The following OR8D1 variants were observed in gnomAD, a reference collection of about 807,000 sequenced individuals.
OR8D1 encodes olfactory receptor family 8 subfamily D member 1.
For missense variants in OR8D1, 384 were observed against 366.8 expected (o/e 1.05, Z -0.38); for synonymous variants, 143 against 147.0 (o/e 0.97, Z 0.20).
chr11:124,313,154 A>G (rs1378609739), intron 1 of OR8D1, among the ~76,000 whole-genome samples: 1 of 151,218 alleles, frequency 6.6e-6, no homozygotes, highest in Non-Finnish European at 1.5e-5. Flanking sequence ...AGCGCGGGTG[A>G]CAGAGCAAGA....
At position 124,303,715 on chromosome 11, in the gene OR8D1, T is replaced by G. The variant is rs1862343787; in HGVS notation, c.*6125A>C. On this transcript the variant is annotated 3_prime_UTR_variant, in exon 3 of 3. Transcript: ENST00000641015. ...TAAAAATTATGCTCACTTGAAGTCA[T>G]AAAGTCCTCTGTTTTCTTATTTTTA... 1 of 152,016 alleles carries G rather than the reference T, an allele frequency of 6.6e-6. No individual in the cohort carries two copies. The allele number at this position is 152,016 out of a possible 1,614,324, so 9.4% of individuals were successfully genotyped here. A position where few individuals can be genotyped will look rare whatever the true frequency, so the allele number is the denominator to read the frequency against.
rs142777403 is a variant in OR8D1 at position 124,310,563 on chromosome 11, G to A, written c.204C>T (p.Phe68=). 50 of 1,613,650 alleles carry A rather than the reference G, an allele frequency of 3.1e-5. No individual in the cohort carries two copies. The highest frequency in any genetic ancestry group is 1.9e-4 in the South Asian group (17 of 91,076). The change falls in exon 3 of 3, where the codon TTC becomes TTT. Residue 68 remains phenylalanine (F), a synonymous_variant. Coordinates refer to ENST00000641015, the MANE Select transcript of OR8D1 (RefSeq NM_001002917.2). Reference sequence around the variant, plus strand: ...TGACAGAGGAATAGCAGAAATCGACGAAGGACAAGCTGCTGAGGAAATAGT... The same window carrying A: ...TGACAGAGGAATAGCAGAAATCGACAAAGGACAAGCTGCTGAGGAAATAGT... ...PMYYFLSSLS[F]VDFCYSSVIT...
rs1324692356 is a variant in OR8D1, at chr11:124,307,148, G to C, written c.*2692C>G. 1 of 151,988 alleles carries C rather than the reference G, an allele frequency of 6.6e-6. No homozygotes were observed. The highest frequency in any genetic ancestry group is 2.1e-4 in the South Asian group (1 of 4,810). The allele number at this position is 151,988 out of a possible 1,614,324, so 9.4% of individuals were successfully genotyped here. A position where few individuals can be genotyped will look rare whatever the true frequency, so the allele number is the denominator to read the frequency against. On this transcript the variant is annotated 3_prime_UTR_variant, in exon 3 of 3. Transcript: ENST00000641015. ...CCAAACAACCAGTATCTGGTGGTTT[G>C]GACCAGGGTTATGAAGAACTTAACA...
In OR8D1 at chr11:124,303,508, C is replaced by T. The variant is rs756507441; in HGVS notation, c.*6332G>A. The T allele has an allele frequency of 1.3e-5, 2 of 151,916 alleles. No individual in the cohort carries two copies. Among genetic ancestry groups the T allele is most frequent in the Non-Finnish European group, 2.9e-5 (2 of 67,962 alleles). The allele number at this position is 151,916 out of a possible 1,614,324, so 9.4% of individuals were successfully genotyped here. A position where few individuals can be genotyped will look rare whatever the true frequency, so the allele number is the denominator to read the frequency against. On this transcript the variant is annotated 3_prime_UTR_variant, in exon 3 of 3. Coordinates refer to ENST00000641015, the MANE Select transcript of OR8D1 (RefSeq NM_001002917.2). ...GTAAATTGCTGCTTATATCTTTTGC[C>T]TGGTTTTCTATTAGGCTTTTTGTCC... is the stretch of plus-strand genomic sequence containing the variant.
chr11:124,313,349 G>GAAAAAGAA (rs1862440221), intron 1 of OR8D1, among the ~76,000 whole-genome samples: 19 of 151,692 alleles, frequency 1.3e-4, no homozygotes, highest in Middle Eastern at 3.2e-3. Context: ...AAAGAGGAAA[G>GAAAAAGAA]AAAAAGAAAA....
Position 124,304,766 on chromosome 11 carries a change from T to C in OR8D1, c.*5074A>G, listed in dbSNP as rs1226174150. The C allele has an allele frequency of 6.6e-6, 1 of 151,942 alleles. No homozygotes were observed. Among genetic ancestry groups the C allele is most frequent in the Non-Finnish European group, 1.5e-5 (1 of 67,912 alleles). 9.4% of individuals were successfully genotyped at this position (151,942 alleles called of 1,614,324 possible). The stretch of plus-strand genomic sequence containing the variant: ...TACTCATTTTTTTAATAATTGGTTG[T>C]AGGAATTATTTATAAAAGTTGGATA... On this transcript the variant is annotated 3_prime_UTR_variant, in exon 3 of 3. Coordinates refer to ENST00000641015, the MANE Select transcript of OR8D1 (RefSeq NM_001002917.2).
Position 124,309,294 on chromosome 11 carries a change from G to T in OR8D1, c.*546C>A, listed in dbSNP as rs1026358258. 3 of 151,854 alleles carry T rather than the reference G, an allele frequency of 2.0e-5. No individual in the cohort carries two copies. The highest frequency in any genetic ancestry group is 7.2e-5 in the African/African-American group (3 of 41,384). The allele number at this position is 151,854 out of a possible 1,614,324, so 9.4% of individuals were successfully genotyped here. On this transcript the variant is annotated 3_prime_UTR_variant, in exon 3 of 3. Coordinates refer to ENST00000641015, the MANE Select transcript of OR8D1 (RefSeq NM_001002917.2). ...GAGTAGAAAAAAAAATAGTAAAAGC[G>T]ATTCGAATAAGACCTGCTGACTAGA...
chr11:124,307,130 A>C lies in OR8D1; in HGVS notation c.*2710T>G, dbSNP rs965696005. 1 of 152,180 alleles carries C rather than the reference A, an allele frequency of 6.6e-6. No individual in the cohort carries two copies. Among genetic ancestry groups the C allele is most frequent in the Middle Eastern group, 3.4e-3 (1 of 294 alleles). The allele number at this position is 152,180 out of a possible 1,614,324, so 9.4% of individuals were successfully genotyped here. A position where few individuals can be genotyped will look rare whatever the true frequency, so the allele number is the denominator to read the frequency against. On this transcript the variant is annotated 3_prime_UTR_variant, in exon 3 of 3. Coordinates refer to ENST00000641015, the MANE Select transcript of OR8D1 (RefSeq NM_001002917.2). ...GCCCCAAAATATACCTTGCCAAACA[A>C]CCAGTATCTGGTGGTTTGGACCAGG...
Position 124,305,844 on chromosome 11 carries a change from G to T in OR8D1, c.*3996C>A, listed in dbSNP as rs1477243435. 1 of 151,772 alleles carries T rather than the reference G, an allele frequency of 6.6e-6. No individual in the cohort carries two copies. The highest frequency in any genetic ancestry group is 1.5e-5 in the Non-Finnish European group (1 of 67,842). 9.4% of individuals were successfully genotyped at this position (151,772 alleles called of 1,614,324 possible). ...TTATGCTACACACTTCTTTCAATAT[G>T]AAAAGAAAGAATGTCTGTTAAAGCA... On this transcript the variant is annotated 3_prime_UTR_variant, in exon 3 of 3. Coordinates refer to ENST00000641015, the MANE Select transcript of OR8D1 (RefSeq NM_001002917.2).
chr11:124,312,324 T>C (rs1288394429), intron 1 of OR8D1, among the ~76,000 whole-genome samples: 1 of 152,060 alleles, frequency 6.6e-6, no homozygotes, highest in African/African-American at 2.4e-5. Context: ...AAAATGTTTG[T>C]TTTCAGATTT....
rs188359141 is a variant in OR8D1 at position 124,304,136 on chromosome 11, A to G, written c.*5704T>C. On this transcript the variant is annotated 3_prime_UTR_variant, in exon 3 of 3. Transcript: ENST00000641015. ...TTTTAGAGAAAACATGTCAGTCTCT[A>G]ATGTAGGCCATTGCTATCACCTGAG... is the stretch of plus-strand genomic sequence containing the variant. 19 of 152,146 alleles carry G rather than the reference A, an allele frequency of 1.2e-4. No individual in the cohort carries two copies. Among genetic ancestry groups the G allele is most frequent in the Middle Eastern group, 3.4e-3 (1 of 294 alleles). The allele number at this position is 152,146 out of a possible 1,614,324, so 9.4% of individuals were successfully genotyped here.
intron 1 of OR8D1, among the ~76,000 whole-genome samples, chr11:124,313,340 A>C (rs1862439962): frequency 6.6e-6 from 1 of 151,902 alleles, no homozygotes; most frequent in Non-Finnish European, 1.5e-5. Context: ...AAGAAAGAAA[A>C]AGAGGAAAGA....
rs1862344419 is a variant in OR8D1 at position 124,303,781 on chromosome 11, A to T, written c.*6059T>A. ...AAAATAATTACATATAGCAAAATGA[A>T]CAGGTATTAAGTATATAATTCAATG... On this transcript the variant is annotated 3_prime_UTR_variant, in exon 3 of 3. Coordinates refer to ENST00000641015, the MANE Select transcript of OR8D1 (RefSeq NM_001002917.2). 6.6e-6 allele frequency: 1 copy of T among 152,004 alleles called. No homozygotes were observed. Among genetic ancestry groups the T allele is most frequent in the Admixed American group, 6.6e-5 (1 of 15,230 alleles). 9.4% of individuals were successfully genotyped at this position (152,004 alleles called of 1,614,324 possible). A position where few individuals can be genotyped will look rare whatever the true frequency, so the allele number is the denominator to read the frequency against.
In OR8D1 at chr11:124,309,904, A is replaced by G; in HGVS notation, c.863T>C (p.Leu288Ser). The change falls in exon 3 of 3, where the codon TTA becomes TCA. Residue 288 changes from leucine to serine, a missense_variant. Transcript: ENST00000641015. ...YTTVIPMLNP[L>S]IYSLRNKDVK... is the part of the protein sequence containing the mutation. ...ATCCTTATTCCTCAGACTGTATATT[A>G]AAGGGTTCAGCATGGGGATCACCGT... 1 of 1,516,138 alleles carries G rather than the reference A, an allele frequency of 6.6e-7. No individual in the cohort carries two copies. The highest frequency in any genetic ancestry group is 8.8e-7 in the Non-Finnish European group (1 of 1,134,102). The allele number at this position is 1,516,138 out of a possible 1,614,324, so 93.9% of individuals were successfully genotyped here.
In OR8D1 at chr11:124,310,669, C is replaced by T. The variant is rs1396328612; in HGVS notation, c.98G>A (p.Gly33Glu). 3.1e-6 allele frequency: 5 copies of T among 1,613,770 alleles called. No homozygotes were observed. Among genetic ancestry groups the T allele is most frequent in the Non-Finnish European group, 4.2e-6 (5 of 1,179,888 alleles). ...LQLPLFLLFL[G>E]IYVVTVVGNL... ...GCCCACTACTGTGACCACATAGATTCCCAGGAACAGGAGGAAGAGGGGCAG... is the reference window on the plus strand; with the variant it reads ...GCCCACTACTGTGACCACATAGATTTCCAGGAACAGGAGGAAGAGGGGCAG... Residue 33 changes from glycine to glutamate, a missense_variant, in exon 3 of 3, where the codon GGA (glycine) becomes GAA (glutamate). Gly to Glu is a moderately conservative substitution (Grantham distance 98, BLOSUM62 -2). Coordinates refer to ENST00000641015, the MANE Select transcript of OR8D1 (RefSeq NM_001002917.2).
rs200813687 is a variant in OR8D1 at position 124,310,040 on chromosome 11, A to T, written c.727T>A (p.Ser243Thr). The change falls in exon 3 of 3, where the codon TCT (serine) becomes ACT (threonine). Residue 243 changes from serine (S) to threonine (T), a missense_variant. Coordinates refer to ENST00000641015, the MANE Select transcript of OR8D1 (RefSeq NM_001002917.2). ...GRSKAFGTCS[S>T]HLMAVVIFFG... ...AAGATCACCACAGCCATGAGATGAG[A>T]GCTGCATGTTCCAAAAGCTTTGGAC... 72 of 1,612,308 alleles carry T rather than the reference A, an allele frequency of 4.5e-5. No homozygotes were observed. The highest frequency in any genetic ancestry group is 5.9e-5 in the Non-Finnish European group (69 of 1,179,144).
At position 124,308,692 on chromosome 11, in the gene OR8D1, A is replaced by G. The variant is rs1862387131; in HGVS notation, c.*1148T>C. The G allele has an allele frequency of 6.6e-6, 1 of 151,790 alleles. No individual in the cohort carries two copies. The allele number at this position is 151,790 out of a possible 1,614,324, so 9.4% of individuals were successfully genotyped here. A position where few individuals can be genotyped will look rare whatever the true frequency, so the allele number is the denominator to read the frequency against. ...GGTTGTAAAAATTATTTTGGCAAAA[A>G]CAAAGAAAAAGTAAAGGGAGAAAGG... On this transcript the variant is annotated 3_prime_UTR_variant, in exon 3 of 3. Transcript: ENST00000641015.
Position 124,310,694 on chromosome 11 carries a change from G to A in OR8D1, c.73C>T (p.Leu25=). 1 of 1,613,952 alleles carries A rather than the reference G, an allele frequency of 6.2e-7. No homozygotes were observed. The highest frequency in any genetic ancestry group is 8.5e-7 in the Non-Finnish European group (1 of 1,179,854). Residue 25 remains leucine, a synonymous_variant, in exon 3 of 3, where the codon CTG becomes TTG. Coordinates refer to ENST00000641015, the MANE Select transcript of OR8D1 (RefSeq NM_001002917.2). The stretch of plus-strand genomic sequence containing the variant: ...CCCAGGAACAGGAGGAAGAGGGGCA[G>A]CTGGAGCTCTGCTTGCTGTGTTAAA... ...DGLTQQAELQ[L]PLFLLFLGIY...
chr11:124,311,946 G>T (rs551045552), intron 1 of OR8D1, among the ~76,000 whole-genome samples: 47 of 152,284 alleles, frequency 3.1e-4, no homozygotes, highest in African/African-American at 1.1e-3. Flanking sequence ...AGTCTACTCA[G>T]CAATGAATGG....
Sources: allele counts gnomAD v4.1 joint callset (sites outside exome capture counted in the v4.1 genomes callset), GRCh38; gene constraint gnomAD v4.1.1; transcripts MANE v1.5; gene names NCBI Gene and HGNC (gene_info 2026-07-23, HGNC 2026-07-21).